The following NAALADL2 variants were observed in gnomAD, a reference collection of about 807,000 sequenced individuals.
NAALADL2 encodes the protein inactive N-acetylated-alpha-linked acidic dipeptidase-like protein 2.
In NAALADL2, 76 loss-of-function variants were observed where a neutral mutation model predicts 87.2. The ratio of observed to expected loss-of-function variants is 0.87; its 90% CI spans 0.72 to 1.05. The LOEUF is 1.05. Among genes scored for constraint, NAALADL2 ranks in the 50% least tolerant of loss-of-function variants. The probability of loss-of-function intolerance (pLI) is 0.00; values close to 1 mark genes in which losing one functional copy is unlikely to be tolerated. For missense variants in NAALADL2, 1,089 were observed against 945.8 expected (o/e 1.15, Z -1.99); for synonymous variants, 354 against 331.0 (o/e 1.07, Z -0.75).
At chr3:174,784,145 AT>A (rs1716324642) in intron 3 of NAALADL2, among the ~76,000 whole-genome samples, 1 of 152,164 alleles carries the variant, frequency 6.6e-6, no homozygotes, top group South Asian at 2.1e-4. Context: ...TGCAACACGT[AT>A]TTTTTACTTA....
At chr3:174,641,184 C>G (rs1723144764) in intron 2 of NAALADL2, among the ~76,000 whole-genome samples, 2 of 152,154 alleles carry the variant, frequency 1.3e-5, no homozygotes, top group South Asian at 4.1e-4. Context: ...CGGCCAGGGT[C>G]TCCACAGCTG....
chr3:175,032,360 C>T (rs1752895480), intron 1 of NAALADL2, among the ~76,000 whole-genome samples: 1 of 151,972 alleles, frequency 6.6e-6, no homozygotes, highest in African/African-American at 2.4e-5. Flanking sequence ...TAGTGATATC[C>T]ATGCGGTAAG....
chr3:175,801,769 C>T (rs756841128), intron 13 of NAALADL2, among the ~76,000 whole-genome samples: 6 of 151,940 alleles, frequency 3.9e-5, no homozygotes, highest in East Asian at 1.9e-4. Context: ...AGTTTGGGTT[C>T]GAAATAAGAC....
intron 1 of NAALADL2, among the ~76,000 whole-genome samples, chr3:174,513,757 C>T (rs1719753624): frequency 6.6e-6 from 1 of 152,114 alleles, no homozygotes. Context: ...AAAATTACAC[C>T]TTATTATAAA....
intron 2 of NAALADL2, among the ~76,000 whole-genome samples, chr3:175,215,918 G>T (rs1018844199): frequency 6.6e-6 from 1 of 152,248 alleles, no homozygotes; most frequent in East Asian, 1.9e-4. Flanking sequence ...GAAGAAAAAT[G>T]TAGGACTAGG....
chr3:174,720,269 A>T (rs1328380158), intron 2 of NAALADL2, among the ~76,000 whole-genome samples: 1 of 152,164 alleles, frequency 6.6e-6, no homozygotes, highest in Non-Finnish European at 1.5e-5. Context: ...GTATTGGTTT[A>T]TTATCTTTTT....
chr3:175,664,242 G>A (rs573873687), intron 11 of NAALADL2, among the ~76,000 whole-genome samples: 149 of 152,120 alleles, frequency 9.8e-4, no homozygotes, highest in Non-Finnish European at 2.0e-3. Flanking sequence ...ACCCTTTTAG[G>A]CTGTAGGGAG....
chr3:175,512,029 C>T (rs926875518), intron 9 of NAALADL2, among the ~76,000 whole-genome samples: 8 of 152,082 alleles, frequency 5.3e-5, no homozygotes, highest in Admixed American at 2.0e-4. Flanking sequence ...TCGCTTTGAG[C>T]CAGTGAGTTA....
chr3:174,920,560 C>A (rs1050041776), intron 1 of NAALADL2, among the ~76,000 whole-genome samples: 2 of 152,202 alleles, frequency 1.3e-5, no homozygotes, highest in Non-Finnish European at 2.9e-5. Flanking sequence ...TAAGGGAATG[C>A]TGTGGCTGCT....
chr3:174,739,194 T>TC (rs1482867486), intron 3 of NAALADL2, among the ~76,000 whole-genome samples: 3 of 152,194 alleles, frequency 2.0e-5, no homozygotes, highest in Non-Finnish European at 4.4e-5. Context: ...TTCTTTTTTT[T>TC]CACATTTTAC....
chr3:175,591,210 CTGTTT>C (rs1721407164), intron 10 of NAALADL2, among the ~76,000 whole-genome samples: 2 of 151,896 alleles, frequency 1.3e-5, no homozygotes, highest in South Asian at 4.2e-4. Flanking sequence ...TCTATTTTGT[CTGTTT>C]TATTATTGAT....
intron 9 of NAALADL2, among the ~76,000 whole-genome samples, chr3:175,495,420 C>T (rs542663772): frequency 2.0e-5 from 3 of 152,138 alleles, no homozygotes; most frequent in South Asian, 2.1e-4. Flanking sequence ...CTGCATGAAA[C>T]GGGGACTAAG....
At chr3:175,793,287 A>G (rs1753027715) in intron 13 of NAALADL2, among the ~76,000 whole-genome samples, 2 of 151,496 alleles carry the variant, frequency 1.3e-5, no homozygotes, top group African/African-American at 4.9e-5. Context: ...AAAACTTTAT[A>G]ACAAAACAGC....
intron 4 of NAALADL2, among the ~76,000 whole-genome samples, chr3:175,280,989 C>G (rs1238872325): frequency 6.6e-6 from 1 of 151,908 alleles, no homozygotes; most frequent in East Asian, 1.9e-4. Flanking sequence ...CAACCCTCTT[C>G]CATTAGAATC....
At chr3:175,522,243 T>C (rs1175471099) in intron 9 of NAALADL2, among the ~76,000 whole-genome samples, 2 of 152,208 alleles carry the variant, frequency 1.3e-5, no homozygotes, top group Non-Finnish European at 2.9e-5. Context: ...TATTCTTCAC[T>C]ATAATGTAAT....
chr3:174,561,289 G>T (rs1328969341), intron 2 of NAALADL2, among the ~76,000 whole-genome samples: 1 of 148,060 alleles, frequency 6.8e-6, no homozygotes, highest in Non-Finnish European at 1.5e-5. Flanking sequence ...AACCTCTGAC[G>T]CCCTGGTTCA....
At chr3:175,467,691 C>T (rs1724289867) in intron 8 of NAALADL2, among the ~76,000 whole-genome samples, 1 of 152,140 alleles carries the variant, frequency 6.6e-6, no homozygotes, top group African/African-American at 2.4e-5. Context: ...TCACCCTTAT[C>T]TCCCTACCTT....
chr3:174,801,798 T>G (rs1031010895), intron 3 of NAALADL2, among the ~76,000 whole-genome samples: 18 of 151,842 alleles, frequency 1.2e-4, no homozygotes, highest in Non-Finnish European at 2.6e-4. Flanking sequence ...ATATATTCAT[T>G]TTTTGAATTG....
At position 174,598,693 on chromosome 3, in the gene NAALADL2, G is replaced by C. The variant is rs7626257; in HGVS notation, c.-115+48056G>C. ...CTGTAGTAACTTAGTAAAATTAAGG[G>C]CTTTTAGATTTGGACAGCAAAAGTT... On this transcript the variant is annotated intron_variant, in intron 2 of 3. Transcript: ENST00000434257. Among the ~76,000 whole-genome samples the C allele has an allele frequency of 9.6e-3, 1,453 of 152,048 alleles. 24 individuals are homozygous for C. Among genetic ancestry groups the C allele is most frequent in the African/African-American group, 0.033 (1,362 of 41,478 alleles).
Sources: allele counts gnomAD v4.1 joint callset (sites outside exome capture counted in the v4.1 genomes callset), GRCh38; gene constraint gnomAD v4.1.1; transcripts MANE v1.5; gene names NCBI Gene and HGNC (gene_info 2026-07-23, HGNC 2026-07-21).